Variants in ST8SIA6 observed in about 807,000 individuals in gnomAD.
ST8SIA6 encodes ST8 alpha-N-acetyl-neuraminide alpha-2,8-sialyltransferase 6, also known as alpha-2,8-sialyltransferase 8F.
ST8SIA6 carries 39 observed loss-of-function variants against 33.6 expected under a neutral mutation model. That is an observed-to-expected ratio of 1.16 (90% CI 0.90 to 1.52). The LOEUF is 1.52. ST8SIA6 is among the 40% of genes most tolerant of loss of function. ST8SIA6 has a pLI of 0.00. For missense variants in ST8SIA6, 441 were observed against 443.8 expected (o/e 0.99, Z 0.06); for synonymous variants, 172 against 167.2 (o/e 1.03, Z -0.22).
chr10:17,320,954 T>C lies in ST8SIA6; in HGVS notation c.1121A>G (p.Lys374Arg), dbSNP rs779280705. ...LPKHGFHQMP[K>R]EYSQILQLHM... ...AAGTTGGAGGATCTGGCTGTATTCT[T>C]TGGGCATCTGATGGAAACCATGTTT... is the stretch of plus-strand genomic sequence containing the variant. The change falls in exon 8 of 8, where the codon AAA (lysine) becomes AGA (arginine). Residue 374 changes from lysine (K) to arginine (R), a missense_variant. Lys to Arg is a conservative substitution (Grantham distance 26). Coordinates refer to ENST00000377602, the MANE Select transcript of ST8SIA6 (RefSeq NM_001004470.3). The C allele has an allele frequency of 2.5e-6, 4 of 1,613,994 alleles. No homozygotes were observed. The highest frequency in any genetic ancestry group is 3.4e-6 in the Non-Finnish European group (4 of 1,179,968).
chr10:17,329,966 C>A (rs1848244254), intron 5 of ST8SIA6, among the ~76,000 whole-genome samples: 1 of 151,980 alleles, frequency 6.6e-6, no homozygotes, highest in Non-Finnish European at 1.5e-5. Flanking sequence ...TCTTGTGTGC[C>A]CAGCAGTTCG....
chr10:17,365,860 C>T (rs1329813548), intron 3 of ST8SIA6, among the ~76,000 whole-genome samples: 1 of 152,162 alleles, frequency 6.6e-6, no homozygotes, highest in Non-Finnish European at 1.5e-5. Context: ...GAAAGCCAGC[C>T]ATTTTTCATC....
In ST8SIA6 at chr10:17,321,067, T is replaced by G; in HGVS notation, c.1008A>C (p.Lys336Asn). ...MITSVAVELC[K>N]NVKLYGFWPF... ...GCCAGAATCCATACAGCTTCACATT[T>G]TTACACAGTTCCACTGCAACACTTG... Residue 336 changes from lysine (K) to asparagine (N), a missense_variant, in exon 8 of 8, where the codon AAA becomes AAC. Physicochemically the swap from Lys to Asn is moderately conservative, Grantham distance 94 (BLOSUM62 0). Coordinates refer to ENST00000377602, the MANE Select transcript of ST8SIA6 (RefSeq NM_001004470.3). The G allele has an allele frequency of 6.2e-7, 1 of 1,614,092 alleles. No homozygotes were observed. The highest frequency in any genetic ancestry group is 1.1e-5 in the South Asian group (1 of 91,084).
intron 3 of ST8SIA6, among the ~76,000 whole-genome samples, chr10:17,360,413 G>A (rs916032302): frequency 1.5e-5 from 2 of 130,048 alleles, no homozygotes; most frequent in Admixed American, 1.5e-4. Context: ...TATCTAGATT[G>A]ACAGAACATG....
At chr10:17,380,733 C>T (rs1850103390) in intron 3 of ST8SIA6, among the ~76,000 whole-genome samples, 1 of 151,588 alleles carries the variant, frequency 6.6e-6, no homozygotes, top group Non-Finnish European at 1.5e-5. Context: ...GGCTAACAGC[C>T]AAGATGTGTG....
At chr10:17,398,478 A>G (rs1301923445) in intron 2 of ST8SIA6, among the ~76,000 whole-genome samples, 2 of 152,226 alleles carry the variant, frequency 1.3e-5, no homozygotes, top group Non-Finnish European at 2.9e-5. Flanking sequence ...CCCTCTGTAT[A>G]TGACTCGTAA....
chr10:17,412,818 A>G (rs1169414815), intron 2 of ST8SIA6, among the ~76,000 whole-genome samples: 1 of 152,236 alleles, frequency 6.6e-6, no homozygotes, highest in Non-Finnish European at 1.5e-5. Flanking sequence ...GTACAATTCA[A>G]AATAGCTACA....
chr10:17,360,985 AG>A (rs1254301507), intron 3 of ST8SIA6, among the ~76,000 whole-genome samples: 4 of 151,924 alleles, frequency 2.6e-5, no homozygotes, highest in African/African-American at 7.2e-5. Context: ...GGAGAAGAAG[AG>A]GGAGAAGAAG....
chr10:17,372,474 G>A (rs1849767863), intron 3 of ST8SIA6, among the ~76,000 whole-genome samples: 1 of 152,158 alleles, frequency 6.6e-6, no homozygotes, highest in Non-Finnish European at 1.5e-5. Flanking sequence ...ATTTGTAACT[G>A]GCTGATGTTC....
At chr10:17,332,038 G>A (rs1848319488) in intron 4 of ST8SIA6, among the ~76,000 whole-genome samples, 1 of 152,114 alleles carries the variant, frequency 6.6e-6, no homozygotes, top group Non-Finnish European at 1.5e-5. Flanking sequence ...AAGAACATGT[G>A]GTGTGTTTGG....
chr10:17,435,710 G>T (rs1293966436), intron 2 of ST8SIA6, among the ~76,000 whole-genome samples: 5 of 131,432 alleles, frequency 3.8e-5, no homozygotes, highest in African/African-American at 1.5e-4. Flanking sequence ...AAAATGGGGG[G>T]TTGGGGGGGT....
intron 4 of ST8SIA6, among the ~76,000 whole-genome samples, chr10:17,338,994 C>T (rs961694417): frequency 1.3e-5 from 2 of 152,192 alleles, no homozygotes; most frequent in African/African-American, 4.8e-5. Flanking sequence ...TGCTTTTCAC[C>T]TGGATCTATA....
chr10:17,393,718 T>A (rs572491684), intron 2 of ST8SIA6, among the ~76,000 whole-genome samples: 1 of 152,024 alleles, frequency 6.6e-6, no homozygotes. Flanking sequence ...TCCTAGGAGA[T>A]TGGATGTGGG....
intron 7 of ST8SIA6, among the ~76,000 whole-genome samples, chr10:17,322,817 TAAAG>T (rs1206294436): frequency 6.6e-6 from 1 of 152,128 alleles, no homozygotes; most frequent in Non-Finnish European, 1.5e-5. Context: ...TTAAAAGAGA[TAAAG>T]AAATAAATAT....
intron 3 of ST8SIA6, among the ~76,000 whole-genome samples, chr10:17,365,370 T>A (rs1588844165): frequency 1.3e-5 from 2 of 152,326 alleles, no homozygotes; most frequent in East Asian, 1.9e-4. Context: ...TGGTTAAATA[T>A]TTACAGTAGT....
chr10:17,386,595 TCTC>T (rs770115144), intron 3 of ST8SIA6, among the ~76,000 whole-genome samples: 3 of 152,228 alleles, frequency 2.0e-5, no homozygotes, highest in East Asian at 1.9e-4. Flanking sequence ...CAGAGTTTCT[TCTC>T]CTTCCTCCTG....
At chr10:17,322,101 AG>A (rs1199650224) in intron 7 of ST8SIA6, among the ~76,000 whole-genome samples, 5 of 137,944 alleles carry the variant, frequency 3.6e-5, no homozygotes, top group Non-Finnish European at 7.7e-5. Context: ...AGACAGAGAG[AG>A]AGAGAGAGAG....
At chr10:17,440,672 C>T (rs1386102504) in intron 2 of ST8SIA6, among the ~76,000 whole-genome samples, 1 of 152,148 alleles carries the variant, frequency 6.6e-6, no homozygotes, top group Non-Finnish European at 1.5e-5. Context: ...CCAGGACTTC[C>T]TGCCTATGTG....
intron 2 of ST8SIA6, chr10:17,410,427 ATC>A (rs961990527): frequency 1.1e-4 from 16 of 152,216 alleles, no homozygotes; most frequent in Non-Finnish European, 1.9e-4. Context: ...GCACACAAGA[ATC>A]TCCCCATCAA....
Sources: allele counts gnomAD v4.1 joint callset (sites outside exome capture counted in the v4.1 genomes callset), GRCh38; gene constraint gnomAD v4.1.1; transcripts MANE v1.5; gene names NCBI Gene and HGNC (gene_info 2026-07-23, HGNC 2026-07-21).